ESCO1: variants seen among roughly 807,000 people sequenced by gnomAD.
ESCO1 encodes the protein establishment of sister chromatid cohesion N-acetyltransferase 1, also known as N-acetyltransferase ESCO1.
ESCO1 carries 33 observed loss-of-function variants against 83.5 expected under a neutral mutation model. The ratio of observed to expected loss-of-function variants is 0.40; its 90% CI spans 0.30 to 0.53. The LOEUF (loss-of-function observed/expected upper bound fraction) is 0.53. Ranked by LOEUF, ESCO1 falls within the 20% of genes least tolerant of loss-of-function variation. The pLI is 0.63. For synonymous variants in ESCO1, 332 were observed against 324.3 expected (o/e 1.02, Z -0.25); for missense variants, 855 against 968.0 (o/e 0.88, Z 1.55).
At chr18:21,537,170 A>G (rs141990952) in intron 9 of ESCO1, among the ~76,000 whole-genome samples, 1 of 152,356 alleles carries the variant, frequency 6.6e-6, no homozygotes, top group East Asian at 1.9e-4. Context: ...GACCAAAGTC[A>G]AACATGGTAA....
chr18:21,589,691 TAG>T (rs1011250589), intron 1 of ESCO1, among the ~76,000 whole-genome samples: 20 of 151,872 alleles, frequency 1.3e-4, no homozygotes, highest in African/African-American at 4.6e-4. Flanking sequence ...GACAACAGAG[TAG>T]AGAGTAAGTT....
At chr18:21,562,194 A>C (rs2038195788) in intron 7 of ESCO1, among the ~76,000 whole-genome samples, 1 of 152,072 alleles carries the variant, frequency 6.6e-6, no homozygotes, top group Non-Finnish European at 1.5e-5. Flanking sequence ...CCATTTTTTA[A>C]TGTCTTAAAA....
chr18:21,530,503 A>T lies in ESCO1; in HGVS notation c.2376-13T>A. ...TATAAAGTTACTCCTATTAAAAAAAAATGGGGGGGGGGAAGGGTTAAGTGT... is the reference window on the plus strand; with the variant it reads ...TATAAAGTTACTCCTATTAAAAAAATATGGGGGGGGGGAAGGGTTAAGTGT... On this transcript the variant is annotated splice_polypyrimidine_tract_variant and intron_variant, in intron 11 of 11. Transcript: ENST00000269214. The T allele has an allele frequency of 7.9e-7, 1 of 1,264,808 alleles. No individual in the cohort carries two copies. Among genetic ancestry groups the T allele is most frequent in the Non-Finnish European group, 1.0e-6 (1 of 952,734 alleles). The allele number at this position is 1,264,808 out of a possible 1,614,324, so 78.3% of individuals were successfully genotyped here.
chr18:21,532,206 T>C (rs967840068), intron 11 of ESCO1, among the ~76,000 whole-genome samples: 2 of 152,174 alleles, frequency 1.3e-5, no homozygotes, highest in African/African-American at 4.8e-5. Context: ...AATAGGCAGG[T>C]TATTTTGGCC....
In ESCO1 at chr18:21,573,795, A is replaced by T. The variant is rs1207766423; in HGVS notation, c.1049T>A (p.Ile350Lys). ...CTGATTTGTTTCCTTCTGATGAAGTATTTGTCTTTCAACACTGGTCTCTTC... is the reference window on the plus strand; with the variant it reads ...CTGATTTGTTTCCTTCTGATGAAGTTTTTGTCTTTCAACACTGGTCTCTTC... Reference protein sequence around the residue: ...KLEETSVERQILHQKETNQDV... With the variant: ...KLEETSVERQKLHQKETNQDV... Residue 350 changes from isoleucine (I) to lysine (K), a missense_variant, in exon 4 of 12, where the codon ATA becomes AAA. Physicochemically the swap from Ile to Lys is moderately radical, Grantham distance 102. Transcript: ENST00000269214. The T allele has an allele frequency of 1.2e-6, 2 of 1,613,974 alleles. No individual in the cohort carries two copies. Among genetic ancestry groups the T allele is most frequent in the Non-Finnish European group, 1.7e-6 (2 of 1,180,026 alleles).
At chr18:21,564,678 G>A (rs1018847789) in intron 6 of ESCO1, among the ~76,000 whole-genome samples, 1 of 151,872 alleles carries the variant, frequency 6.6e-6, no homozygotes, top group African/African-American at 2.4e-5. Context: ...TTACAGGCGT[G>A]AGCCACCGCG....
chr18:21,538,853 AG>A (rs1283694308), intron 9 of ESCO1, among the ~76,000 whole-genome samples: 2 of 152,146 alleles, frequency 1.3e-5, no homozygotes, highest in Non-Finnish European at 2.9e-5. Flanking sequence ...AAGCATCCAG[AG>A]GTTGAAGAAA....
chr18:21,547,055 G>A (rs888915890), intron 8 of ESCO1, among the ~76,000 whole-genome samples: 16 of 152,166 alleles, frequency 1.1e-4, no homozygotes, highest in African/African-American at 3.4e-4. Context: ...CTGAGCTCAA[G>A]GGACTCCTAC....
chr18:21,536,212 T>G, intron 9 of ESCO1, 27 bp from the exon 10 acceptor site: 3 of 1,597,750 alleles, frequency 1.9e-6, no homozygotes, highest in Non-Finnish European at 2.6e-6. Flanking sequence ...AGTAATTATT[T>G]TTAAATGAAA....
chr18:21,591,362 T>A (rs2146233129), intron 1 of ESCO1, among the ~76,000 whole-genome samples: 1 of 152,370 alleles, frequency 6.6e-6, no homozygotes, highest in East Asian at 1.9e-4. Flanking sequence ...AATAAATTTC[T>A]ATTGTTTTAA....
At chr18:21,535,693 TTTC>T (rs1244515649) in intron 10 of ESCO1, among the ~76,000 whole-genome samples, 1 of 152,216 alleles carries the variant, frequency 6.6e-6, no homozygotes, top group Non-Finnish European at 1.5e-5. Context: ...ATTTTTGTAT[TTTC>T]AGTAGAGAAC....
rs773109452 is a variant in ESCO1 at position 21,539,974 on chromosome 18, A to T, written c.1989T>A (p.Pro663=). Residue 663 remains proline, a synonymous_variant, in exon 9 of 12, where the codon CCT becomes CCA. Transcript: ENST00000269214. ...WKKERILAEY[P]DGRIIMVLPE... Reference sequence around the variant, plus strand: ...GAAGAACCATTATTATCCTGCCATCAGGGTATTCAGCCAGAATTCTTTCTT... The same window carrying T: ...GAAGAACCATTATTATCCTGCCATCTGGGTATTCAGCCAGAATTCTTTCTT... The T allele has an allele frequency of 3.1e-6, 5 of 1,613,498 alleles. No individual in the cohort carries two copies. The highest frequency in any genetic ancestry group is 3.4e-6 in the Non-Finnish European group (4 of 1,179,748).
At chr18:21,591,606 C>T (rs1261480535) in intron 1 of ESCO1, among the ~76,000 whole-genome samples, 1 of 151,606 alleles carries the variant, frequency 6.6e-6, no homozygotes, top group Non-Finnish European at 1.5e-5. Flanking sequence ...TAATTTTCTT[C>T]TCCAATCACA....
intron 9 of ESCO1, among the ~76,000 whole-genome samples, chr18:21,539,346 C>T (rs569248200): frequency 3.3e-5 from 5 of 152,148 alleles, no homozygotes; most frequent in Non-Finnish European, 7.3e-5. Context: ...AGCATATCTA[C>T]TTTGGCACTC....
chr18:21,569,279 GA>G (rs2038305566), intron 4 of ESCO1, among the ~76,000 whole-genome samples: 1 of 152,202 alleles, frequency 6.6e-6, no homozygotes, highest in Non-Finnish European at 1.5e-5. Flanking sequence ...TGCCAAAGCA[GA>G]TACTCAATTA....
chr18:21,570,531 C>G (rs1253969954), intron 4 of ESCO1, among the ~76,000 whole-genome samples: 1 of 152,160 alleles, frequency 6.6e-6, no homozygotes, highest in Non-Finnish European at 1.5e-5. Flanking sequence ...AATATATGTG[C>G]TAGTATTTTT....
At chr18:21,561,032 G>T (rs2038179016) in intron 7 of ESCO1, 42 bp from the exon 8 acceptor site, 11 of 1,550,132 alleles carry the variant, frequency 7.1e-6, no homozygotes, top group Non-Finnish European at 7.8e-6. Flanking sequence ...CCTCCCAAAA[G>T]AATTATTTCA....
chr18:21,544,469 A>G (rs2037946528), intron 8 of ESCO1, among the ~76,000 whole-genome samples: 1 of 150,056 alleles, frequency 6.7e-6, no homozygotes. Context: ...AAAACAAAAA[A>G]AAAACAAAAA....
At chr18:21,554,812 G>A (rs1244202424) in intron 8 of ESCO1, among the ~76,000 whole-genome samples, 1 of 152,108 alleles carries the variant, frequency 6.6e-6, no homozygotes, top group Admixed American at 6.6e-5. Context: ...AGGAGGCTGA[G>A]GCAGAGAATC....
Sources: gnomAD v4.1 joint callset for allele counts (sites outside exome capture counted in the v4.1 genomes callset) on GRCh38, gnomAD v4.1.1 for gene constraint, MANE v1.5 for transcripts, NCBI Gene and HGNC (gene_info 2026-07-23, HGNC 2026-07-21) for gene names.